Variants in NFIB observed in about 807,000 individuals in gnomAD.
NFIB encodes the protein nuclear factor 1 B-type.
A neutral mutation model predicts 61.5 loss-of-function variants in NFIB; 11 were observed. The observed-to-expected ratio is 0.18, with a 90% CI of 0.11 to 0.30. The LOEUF is 0.30. NFIB is among the 10% of genes least tolerant of loss of function. The probability of loss-of-function intolerance (pLI) is 1.00; values close to 1 mark genes in which losing one functional copy is unlikely to be tolerated. For missense variants in NFIB, 471 were observed against 608.9 expected, an observed-to-expected ratio of 0.77 and a Z score of 2.38; for synonymous variants, 260 against 216.5, an observed-to-expected ratio of 1.20 and a Z score of -1.76.
the NFIB span, among the ~76,000 whole-genome samples, chr9:14,498,539 GAAC>G: frequency 1.3e-5 from 2 of 152,172 alleles, no homozygotes; most frequent in South Asian, 2.1e-4. Flanking sequence ...ATACACTCGA[GAAC>G]AACATCACAT....
intron 2 of NFIB, among the ~76,000 whole-genome samples, chr9:14,303,415 G>C (rs2059857404): frequency 6.6e-6 from 1 of 152,174 alleles, no homozygotes; most frequent in African/African-American, 2.4e-5. Context: ...CATGAATGCA[G>C]TAACAAAGGC....
Position 14,125,665 on chromosome 9 carries a change from G to A in NFIB, c.1027C>T (p.His343Tyr). Residue 343 changes from histidine (H) to tyrosine (Y), a missense_variant, in exon 7 of 11, where the codon CAC becomes TAC. Physicochemically the swap from His to Tyr is moderately conservative, Grantham distance 83. Transcript: ENST00000380953. ...SPRLSTFPQH[H>Y]HPGIPGVAHS... ...GCAACTCCAGGTATTCCGGGATGGT[G>A]GTGCTGGGGGAAAGTGCTCAGTCTT... 2.5e-6 allele frequency: 4 copies of A among 1,614,172 alleles called. No individual in the cohort carries two copies. The highest frequency in any genetic ancestry group is 3.4e-6 in the Non-Finnish European group (4 of 1,180,018).
chr9:14,240,041 T>C (rs2054188817), intron 2 of NFIB, among the ~76,000 whole-genome samples: 2 of 152,196 alleles, frequency 1.3e-5, no homozygotes, highest in Non-Finnish European at 1.5e-5. Flanking sequence ...TTAAAAATTA[T>C]ACCTTAAAGT....
At chr9:14,455,859 A>G in the NFIB span, among the ~76,000 whole-genome samples, 3 of 152,214 alleles carry the variant, frequency 2.0e-5, no homozygotes, top group African/African-American at 7.2e-5. Context: ...AGATATTAAA[A>G]CATAGAATCT....
chr9:14,263,756 A>G (rs2056981526), intron 2 of NFIB, among the ~76,000 whole-genome samples: 1 of 152,228 alleles, frequency 6.6e-6, no homozygotes, highest in Non-Finnish European at 1.5e-5. Flanking sequence ...CAAAACGAAA[A>G]CTGAGCTGCA....
chr9:14,401,113 T>A (rs916527962), upstream of NFIB, among the ~76,000 whole-genome samples: 5 of 152,240 alleles, frequency 3.3e-5, no homozygotes, highest in Non-Finnish European at 5.9e-5. Flanking sequence ...TCAATAGATA[T>A]GACAGACAAT....
intron 1 of NFIB, among the ~76,000 whole-genome samples, chr9:14,342,993 G>C (rs1425366613): frequency 4.6e-5 from 7 of 151,984 alleles, no homozygotes; most frequent in Non-Finnish European, 1.5e-5. Flanking sequence ...GGAAAGAAAA[G>C]GGGGTGAGGC....
At chr9:14,508,797 G>C in the NFIB span, among the ~76,000 whole-genome samples, 2 of 152,210 alleles carry the variant, frequency 1.3e-5, no homozygotes, top group African/African-American at 4.8e-5. Context: ...AGCTGGTTTG[G>C]ATCCCCTGTT....
intron 2 of NFIB, among the ~76,000 whole-genome samples, chr9:14,234,184 G>C (rs1385429085): frequency 1.3e-5 from 2 of 152,082 alleles, no homozygotes; most frequent in African/African-American, 4.8e-5. Context: ...CTCTAGATTG[G>C]ATGGCAGAGA....
the NFIB span, among the ~76,000 whole-genome samples, chr9:14,496,486 T>A: frequency 6.6e-6 from 1 of 152,210 alleles, no homozygotes; most frequent in Non-Finnish European, 1.5e-5. Flanking sequence ...GTTCAACGTG[T>A]ATTTAATTTG....
At chr9:14,243,934 C>T (rs1241227536) in intron 2 of NFIB, among the ~76,000 whole-genome samples, 3 of 152,310 alleles carry the variant, frequency 2.0e-5, no homozygotes, top group East Asian at 1.9e-4. Context: ...CAGAATTAAA[C>T]TGTCTGGTTT....
In NFIB at chr9:14,277,069, C is replaced by T. The variant is rs146625124; in HGVS notation, c.562+29920G>A. Among the ~76,000 whole-genome samples, 1,090 of 152,166 alleles carry T rather than the reference C, an allele frequency of 7.2e-3. 15 individuals carry two copies. Among genetic ancestry groups the T allele is most frequent in the African/African-American group, 0.024 (1,013 of 41,516 alleles). ...ACACATTTCAAAAACAAATAGAATG[C>T]TTAAACTTTCTTAAAAGACAGAATG... On this transcript the variant is annotated intron_variant, in intron 2 of 10. Transcript: ENST00000380953.
intron 2 of NFIB, among the ~76,000 whole-genome samples, chr9:14,190,886 A>G (rs1421938541): frequency 6.6e-6 from 1 of 152,164 alleles, no homozygotes; most frequent in East Asian, 1.9e-4. Context: ...ACTTAAAGAG[A>G]ACAGTTTAAA....
intron 2 of NFIB, among the ~76,000 whole-genome samples, chr9:14,280,670 AG>A (rs917623802): frequency 6.6e-6 from 1 of 152,118 alleles, no homozygotes; most frequent in East Asian, 1.9e-4. Context: ...ACGTTAGGCA[AG>A]GGGGGACTCA....
At chr9:14,264,033 T>C (rs2056998798) in intron 2 of NFIB, among the ~76,000 whole-genome samples, 1 of 152,280 alleles carries the variant, frequency 6.6e-6, no homozygotes, top group East Asian at 1.9e-4. Flanking sequence ...ATAAAAGGAT[T>C]AGAGTTTTGT....
Position 14,085,372 on chromosome 9 carries a change from A to C in NFIB, c.*2937T>G. On this transcript the variant is annotated 3_prime_UTR_variant, in exon 11 of 11. Coordinates refer to ENST00000380953, the MANE Select transcript of NFIB (RefSeq NM_001190737.2). ...TTTCCTTCTAGTAATGAATACACTCAATGGGACTGGGCGGTGAGGGAAAGG... is the reference window on the plus strand; with the variant it reads ...TTTCCTTCTAGTAATGAATACACTCCATGGGACTGGGCGGTGAGGGAAAGG... 1 of 224,670 alleles carries C rather than the reference A, an allele frequency of 4.5e-6. No homozygotes were observed. Among genetic ancestry groups the C allele is most frequent in the East Asian group, 6.4e-5 (1 of 15,508 alleles). The allele number at this position is 224,670 out of a possible 1,614,324, so 13.9% of individuals were successfully genotyped here.
At chr9:14,523,192 T>C in the NFIB span, among the ~76,000 whole-genome samples, 1 of 152,060 alleles carries the variant, frequency 6.6e-6, no homozygotes, top group Non-Finnish European at 1.5e-5. Flanking sequence ...CTTTTCGGGC[T>C]CTGGAGATTG....
intron 2 of NFIB, among the ~76,000 whole-genome samples, chr9:14,238,556 A>G (rs2054032081): frequency 6.6e-6 from 1 of 152,192 alleles, no homozygotes; most frequent in Non-Finnish European, 1.5e-5. Flanking sequence ...AGTCAAATAC[A>G]AAGAAGTTAC....
the NFIB span, among the ~76,000 whole-genome samples, chr9:14,495,193 G>A: frequency 6.6e-4 from 101 of 152,172 alleles, no homozygotes; most frequent in African/African-American, 2.3e-3. Context: ...GAGGATCAGC[G>A]GTCTAAGGAA....
Sources: allele counts gnomAD v4.1 joint callset (sites outside exome capture counted in the v4.1 genomes callset), GRCh38; gene constraint gnomAD v4.1.1; transcripts MANE v1.5; gene names NCBI Gene and HGNC (gene_info 2026-07-23, HGNC 2026-07-21).